ANKRD11: variants seen among roughly 807,000 people sequenced by gnomAD.
ANKRD11 encodes ankyrin repeat domain 11, also known as ankyrin repeat domain-containing protein 11.
Under a neutral mutation model 195.7 loss-of-function variants are expected in ANKRD11, and 17 were observed. That is an observed-to-expected ratio of 0.09 (90% CI 0.06 to 0.13). The LOEUF is 0.13. ANKRD11 is among the 10% of genes least tolerant of loss of function. The probability of loss-of-function intolerance (pLI) is 1.00; values close to 1 mark genes in which losing one functional copy is unlikely to be tolerated. For synonymous variants in ANKRD11, 1,953 were observed against 1,528.1 expected (o/e 1.28, Z -6.49); for missense variants, 3,735 against 3,566.1 (o/e 1.05, Z -1.21).
intron 12 of ANKRD11, chr16:89,270,488 G>C (rs1419733193): frequency 4.9e-6 from 2 of 412,112 alleles, no homozygotes; most frequent in East Asian, 5.4e-5. Flanking sequence ...TTCCAGAGCA[G>C]TGGAGGGTGA....
At chr16:89,378,033 G>T (rs1354744527) in intron 2 of ANKRD11, among the ~76,000 whole-genome samples, 5 of 152,020 alleles carry the variant, frequency 3.3e-5, no homozygotes, top group African/African-American at 1.2e-4. Context: ...TTTACTGTAA[G>T]AATACAGTAT....
chr16:89,282,850 T>C lies in ANKRD11; in HGVS notation c.3692A>G (p.Asp1231Gly), dbSNP rs935288895. ...GGGGAGCTTCTGTTTATTTTTCTTATCTTGCGTGGAGTCCACTGAGGCTCT... is the reference window on the plus strand; with the variant it reads ...GGGGAGCTTCTGTTTATTTTTCTTACCTTGCGTGGAGTCCACTGAGGCTCT... ...KDRASVDSTQ[D>G]KKNKQKLPEK... Residue 1231 changes from aspartate to glycine, a missense_variant, in exon 9 of 13, where the codon GAT becomes GGT. Coordinates refer to ENST00000301030, the MANE Select transcript of ANKRD11 (RefSeq NM_013275.6). 2.7e-5 allele frequency: 43 copies of C among 1,612,170 alleles called. No homozygotes were observed. The highest frequency in any genetic ancestry group is 3.4e-5 in the Non-Finnish European group (40 of 1,180,034).
chr16:89,297,281 G>A (rs1008367297), intron 4 of ANKRD11, among the ~76,000 whole-genome samples: 4 of 152,196 alleles, frequency 2.6e-5, no homozygotes, highest in Non-Finnish European at 4.4e-5. Context: ...CGTAAAACTC[G>A]AAGACGTCAA....
intron 2 of ANKRD11, among the ~76,000 whole-genome samples, chr16:89,356,402 G>A (rs755044739): frequency 3.3e-5 from 5 of 151,984 alleles, no homozygotes; most frequent in Admixed American, 3.3e-4. Flanking sequence ...AGCTCCGGAA[G>A]CCAGATGGAG....
In ANKRD11 at chr16:89,286,044, G is replaced by T; in HGVS notation, c.887C>A (p.Ser296Ter). The change falls in exon 8 of 13, where the codon TCG becomes TAG. Residue 296 changes from serine (S) to a stop codon, truncating the protein, a stop_gained. Coordinates refer to ENST00000301030, the MANE Select transcript of ANKRD11 (RefSeq NM_013275.6). LOFTEE classifies it high-confidence loss of function. ...KGTYTSSEES[S>*]TESSEEEDAP... ...CTCAGGTGGCCGTGACTTACCCGTCGAGCTCTCCTCGCTGGAAGTGTAAGT... is the reference window on the plus strand; with the variant it reads ...CTCAGGTGGCCGTGACTTACCCGTCTAGCTCTCCTCGCTGGAAGTGTAAGT... 6.2e-7 allele frequency: 1 copy of T among 1,614,166 alleles called. No individual in the cohort carries two copies. Among genetic ancestry groups the T allele is most frequent in the South Asian group, 1.1e-5 (1 of 91,080 alleles).
chr16:89,408,284 A>G (rs1162714830), intron 2 of ANKRD11, among the ~76,000 whole-genome samples: 1 of 152,248 alleles, frequency 6.6e-6, no homozygotes, highest in East Asian at 1.9e-4. Flanking sequence ...CAGCCCTTCC[A>G]CATTCACTTT....
intron 3 of ANKRD11, chr16:89,313,522 C>T (rs764186818): frequency 1.6e-6 from 2 of 1,289,204 alleles, no homozygotes; most frequent in South Asian, 1.2e-5. Context: ...GGATGCACTG[C>T]AGAGTTGTGG....
At chr16:89,271,310 T>G (rs924204274) in intron 11 of ANKRD11, 2 of 305,116 alleles carry the variant, frequency 6.6e-6, no homozygotes, top group East Asian at 8.8e-5. Context: ...CGATCCTGGC[T>G]CACCGCAGCC....
chr16:89,409,028 C>G (rs2042016130), intron 2 of ANKRD11, among the ~76,000 whole-genome samples: 1 of 152,218 alleles, frequency 6.6e-6, no homozygotes, highest in Non-Finnish European at 1.5e-5. Flanking sequence ...AAAAGAGCCA[C>G]AGCCACAGCA....
chr16:89,365,612 T>C (rs2039910936), intron 2 of ANKRD11, among the ~76,000 whole-genome samples: 1 of 152,236 alleles, frequency 6.6e-6, no homozygotes, highest in Non-Finnish European at 1.5e-5. Context: ...AGAGGTATGT[T>C]CACTCAAGAA....
intron 1 of ANKRD11, among the ~76,000 whole-genome samples, chr16:89,483,704 T>C (rs2057516349): frequency 6.6e-6 from 1 of 151,708 alleles, no homozygotes; most frequent in African/African-American, 2.4e-5. Context: ...GGCGCGTGCC[T>C]GTAATCCCAG....
chr16:89,309,647 G>A (rs2151893386), intron 3 of ANKRD11, among the ~76,000 whole-genome samples: 1 of 152,362 alleles, frequency 6.6e-6, no homozygotes, highest in South Asian at 2.1e-4. Context: ...CACCAGGAAG[G>A]CGGCTCCCAT....
intron 1 of ANKRD11, among the ~76,000 whole-genome samples, chr16:89,448,058 G>C (rs146924316): frequency 1.5e-3 from 233 of 152,192 alleles, no homozygotes; most frequent in African/African-American, 5.4e-3. Context: ...GCCCACCTTG[G>C]CCTCCCAAAG....
At chr16:89,454,905 C>T (rs2056361897) in intron 1 of ANKRD11, among the ~76,000 whole-genome samples, 1 of 105,196 alleles carries the variant, frequency 9.5e-6, no homozygotes, top group South Asian at 3.9e-4. Context: ...TCAAGCTGCT[C>T]CCCTGGGTGC....
chr16:89,269,327 G>A (rs557688293), intron 12 of ANKRD11, among the ~76,000 whole-genome samples: 87 of 152,274 alleles, frequency 5.7e-4, no homozygotes, highest in African/African-American at 2.0e-3. Context: ...GATTTTTGTA[G>A]AGATGGGGTT....
Position 89,410,549 on chromosome 16 carries a change from CTCT to C in ANKRD11, c.-60+7732_-60+7734del, listed in dbSNP as rs550698117. ...CTGCCCCCGGGCTACAAAGGCCACCCTCTGCCCTCTGCTTACTGCTCTGGTTCT... is the reference window on the plus strand; with the variant it reads ...CTGCCCCCGGGCTACAAAGGCCACCCGCCCTCTGCTTACTGCTCTGGTTCT... On this transcript the variant is annotated intron_variant, in intron 2 of 12. Coordinates refer to ENST00000301030, the MANE Select transcript of ANKRD11 (RefSeq NM_013275.6). 5.3e-5 allele frequency among the ~76,000 whole-genome samples: 8 copies of C among 152,298 alleles called. No homozygotes were observed. In the South Asian group the frequency reaches 1.7e-3, roughly 32 times the overall value.
chr16:89,478,740 A>C (rs1463880700), intron 1 of ANKRD11, among the ~76,000 whole-genome samples: 4 of 152,232 alleles, frequency 2.6e-5, no homozygotes, highest in African/African-American at 4.8e-5. Flanking sequence ...GACATTTCTC[A>C]TTAGGACTTT....
intron 1 of ANKRD11, among the ~76,000 whole-genome samples, chr16:89,441,414 TCCA>T (rs2043459895): frequency 6.6e-6 from 1 of 151,868 alleles, no homozygotes; most frequent in Non-Finnish European, 1.5e-5. Context: ...CAGAATATAT[TCCA>T]TCACCCAGCA....
Position 89,284,144 on chromosome 16 carries a change from CTTT to C in ANKRD11, c.2395_2397del (p.Lys799del). On this transcript the variant is annotated inframe_deletion, in exon 9 of 13. Coordinates refer to ENST00000301030, the MANE Select transcript of ANKRD11 (RefSeq NM_013275.6). ...TAAACCTTTTCTTTTTTGAGTTTTTCTTTATCTTCTTTAAAAATCTTCTCCTTC... is the reference window on the plus strand; with the variant it reads ...TAAACCTTTTCTTTTTTGAGTTTTTCATCTTCTTTAAAAATCTTCTCCTTC... 2 of 1,604,732 alleles carry C rather than the reference CTTT, an allele frequency of 1.2e-6. No individual in the cohort carries two copies. The highest frequency in any genetic ancestry group is 1.7e-6 in the Non-Finnish European group (2 of 1,177,330).
Sources: gnomAD v4.1 joint callset for allele counts (sites outside exome capture counted in the v4.1 genomes callset) on GRCh38, gnomAD v4.1.1 for gene constraint, MANE v1.5 for transcripts, NCBI Gene and HGNC (gene_info 2026-07-23, HGNC 2026-07-21) for gene names.